The following OARD1 variants were observed in gnomAD, a reference collection of about 807,000 sequenced individuals.
OARD1 encodes the protein ADP-ribose glycohydrolase OARD1.
A neutral mutation model predicts 19.7 loss-of-function variants in OARD1; 19 were observed. That is an observed-to-expected ratio of 0.96 (90% CI 0.67 to 1.41). OARD1 has a LOEUF of 1.41. Ranked by LOEUF, OARD1 falls within the 40% of genes most tolerant of loss-of-function variation. OARD1 has a pLI of 0.00. For missense variants in OARD1, 190 were observed against 183.8 expected (o/e 1.03, Z -0.20); for synonymous variants, 70 against 61.8 (o/e 1.13, Z -0.62).
At chr6:41,097,213 T>C (rs1208504942) in intron 1 of OARD1, 2 of 700,914 alleles carry the variant, frequency 2.9e-6, no homozygotes, top group East Asian at 2.6e-5. Flanking sequence ...CTTTAAGCCA[T>C]GTATGCAGAC....
chr6:41,083,385 C>T (rs1263867792), intron 1 of OARD1, among the ~76,000 whole-genome samples: 1 of 152,218 alleles, frequency 6.6e-6, no homozygotes, highest in Non-Finnish European at 1.5e-5. Context: ...ACCATGGAGA[C>T]TGCAAACTGA....
chr6:41,077,926 A>C (rs1763785448), intron 1 of OARD1, among the ~76,000 whole-genome samples: 1 of 152,124 alleles, frequency 6.6e-6, no homozygotes, highest in Non-Finnish European at 1.5e-5. Context: ...AATGGGGTTG[A>C]TTAATTTTTA....
intron 1 of OARD1, among the ~76,000 whole-genome samples, chr6:41,086,549 C>G (rs189239172): frequency 1.3e-5 from 2 of 151,988 alleles, no homozygotes; most frequent in Admixed American, 6.6e-5. Context: ...TGTTGAGTAG[C>G]CATTTTTTAA....
chr6:41,089,459 G>A, intron 1 of OARD1: 1 of 1,122,016 alleles, frequency 8.9e-7, no homozygotes, highest in Non-Finnish European at 1.2e-6. Context: ...GGCAGAGCAG[G>A]ACTTCTTTTT....
rs1414310741 is a variant in OARD1 at position 41,089,450 on chromosome 6, G to A, written c.-42+8263C>T. The A allele has an allele frequency of 6.2e-6, 6 of 969,278 alleles. No individual in the cohort carries two copies. The African/African-American group carries it at 1.0e-4, about 16-fold the overall frequency. 60.0% of individuals were successfully genotyped at this position (969,278 alleles called of 1,614,324 possible). ...AGTTGTGTCTACTTCATAATGGAGGGCAGAGCAGGACTTCTTTTTTCCTCT... is the reference window on the plus strand; with the variant it reads ...AGTTGTGTCTACTTCATAATGGAGGACAGAGCAGGACTTCTTTTTTCCTCT... On this transcript the variant is annotated intron_variant, in intron 1 of 4. Transcript: ENST00000480585.
chr6:41,082,556 A>G (rs1339150912), intron 1 of OARD1, among the ~76,000 whole-genome samples: 1 of 152,248 alleles, frequency 6.6e-6, no homozygotes, highest in Non-Finnish European at 1.5e-5. Context: ...TAGATAGAAA[A>G]TTATTAATAG....
At chr6:41,091,815 T>C in intron 1 of OARD1, 1 of 1,062,794 alleles carries the variant, frequency 9.4e-7, no homozygotes, top group South Asian at 1.6e-5. Flanking sequence ...GCACTGTCGG[T>C]AATCTACTTT....
Position 41,070,071 on chromosome 6 carries a change from C to T in OARD1, c.243+5G>A, listed in dbSNP as rs1327949427. The T allele has an allele frequency of 6.4e-7, 1 of 1,569,512 alleles. No individual in the cohort carries two copies. Among genetic ancestry groups the T allele is most frequent in the Non-Finnish European group, 8.8e-7 (1 of 1,139,600 alleles). On this transcript the variant is annotated splice_donor_5th_base_variant and intron_variant, in intron 4 of 5. Transcript: ENST00000424266. ...TGAAAAAAAAAGGAATTGGCCCCAT[C>T]TTACCAAGTAATATATATATCGCCC...
At chr6:41,092,582 T>C (rs1293203547) in intron 1 of OARD1, among the ~76,000 whole-genome samples, 2 of 152,152 alleles carry the variant, frequency 1.3e-5, no homozygotes, top group African/African-American at 4.8e-5. Context: ...GTCTATCTAT[T>C]TTTGTGCTGT....
chr6:41,069,710 A>G (rs1381281010), intron 4 of OARD1: 1 of 277,262 alleles, frequency 3.6e-6, no homozygotes, highest in Non-Finnish European at 6.9e-6. Flanking sequence ...GACATGGAAT[A>G]AGAGAAAAGC....
At chr6:41,088,283 C>T (rs892767285) in intron 1 of OARD1, among the ~76,000 whole-genome samples, 4 of 151,508 alleles carry the variant, frequency 2.6e-5, no homozygotes, top group East Asian at 2.0e-4. Context: ...TTAAGCCAGG[C>T]GTGATGGCGG....
In OARD1 at chr6:41,070,081, AAT is replaced by A; in HGVS notation, c.236_237del (p.Tyr79LeufsTer15). 4.4e-6 allele frequency: 7 copies of A among 1,585,468 alleles called. No individual in the cohort carries two copies. Among genetic ancestry groups the A allele is most frequent in the Non-Finnish European group, 6.1e-6 (7 of 1,154,120 alleles). On this transcript the variant is annotated frameshift_variant, in exon 4 of 6. Coordinates refer to ENST00000424266, the MANE Select transcript of OARD1 (RefSeq NM_001329686.2). LOFTEE classifies it high-confidence loss of function. The stretch of plus-strand genomic sequence containing the variant: ...AGGAATTGGCCCCATCTTACCAAGT[AAT>A]ATATATATCGCCCATCTCTCTTCAG... ...AVLKRDGRYI[Y>X]YLITKKRASH...
intron 2 of OARD1, 73 bp downstream of exon 2, chr6:41,071,523 A>T: frequency 1.6e-6 from 2 of 1,290,222 alleles, no homozygotes; most frequent in Non-Finnish European, 2.2e-6. Flanking sequence ...TAATTTAATT[A>T]AAAAGTGTTT....
chr6:41,091,234 C>T (rs1184482663), intron 1 of OARD1, among the ~76,000 whole-genome samples: 2 of 152,212 alleles, frequency 1.3e-5, no homozygotes, highest in Admixed American at 6.5e-5. Flanking sequence ...TAGCTGTAGT[C>T]AGACTGACCT....
rs1762976528 is a variant in OARD1 at position 41,065,623 on chromosome 6, G to A, written c.*1712C>T. 1 of 152,086 alleles carries A rather than the reference G, an allele frequency of 6.6e-6. No homozygotes were observed. Among genetic ancestry groups the A allele is most frequent in the Non-Finnish European group, 1.5e-5 (1 of 68,010 alleles). 9.4% of individuals were successfully genotyped at this position (152,086 alleles called of 1,614,324 possible). ...TTGATAATGAACTTGACCCTCCACT[G>A]CCCCTACCCCAACAACATGAAGAAC... On this transcript the variant is annotated 3_prime_UTR_variant, in exon 6 of 6. Coordinates refer to ENST00000424266, the MANE Select transcript of OARD1 (RefSeq NM_001329686.2).
intron 1 of OARD1, among the ~76,000 whole-genome samples, chr6:41,097,192 A>G (rs1764382054): frequency 6.6e-6 from 1 of 152,184 alleles, no homozygotes; most frequent in African/African-American, 2.4e-5. Context: ...TTCTTTCCTA[A>G]TGGGGCTACA....
At chr6:41,075,847 AAACTT>A (rs1300103563), upstream of OARD1, 1 of 152,014 alleles carries the variant, frequency 6.6e-6, no homozygotes, top group African/African-American at 2.4e-5. Flanking sequence ...GTCCATTACT[AAACTT>A]AAAGACTCTT....
chr6:41,077,526 G>A (rs912211537), upstream of OARD1, among the ~76,000 whole-genome samples: 6 of 141,254 alleles, frequency 4.2e-5, no homozygotes, highest in African/African-American at 1.4e-4. Context: ...AATTTTATTA[G>A]TTTATAGCCA....
In OARD1 at chr6:41,087,816, T is replaced by C. The variant is rs541942739; in HGVS notation, c.-42+9897A>G. 2.0e-5 allele frequency among the ~76,000 whole-genome samples: 3 copies of C among 152,128 alleles called. No individual in the cohort carries two copies. In the East Asian group the frequency reaches 5.8e-4, roughly 29 times the overall value. On this transcript the variant is annotated intron_variant, in intron 1 of 4. Transcript: ENST00000480585. ...TTTTTAGTTCCAAAATTTAGAGAAATATTTTTCAAGCTTCTTGTCAGGTTT... is the reference window on the plus strand; with the variant it reads ...TTTTTAGTTCCAAAATTTAGAGAAACATTTTTCAAGCTTCTTGTCAGGTTT...
Sources: gnomAD v4.1 joint callset for allele counts (sites outside exome capture counted in the v4.1 genomes callset) on GRCh38, gnomAD v4.1.1 for gene constraint, MANE v1.5 for transcripts, NCBI Gene and HGNC (gene_info 2026-07-23, HGNC 2026-07-21) for gene names.